Variants in COL4A1 observed in about 807,000 individuals in gnomAD.
The protein encoded by COL4A1 is collagen type IV alpha 1 chain.
In COL4A1, 40 loss-of-function variants were observed where a neutral mutation model predicts 216.6. That is an observed-to-expected ratio of 0.18 (90% CI 0.14 to 0.24). The LOEUF (loss-of-function observed/expected upper bound fraction) is 0.24. Ranked by LOEUF, COL4A1 falls within the 10% of genes least tolerant of loss-of-function variation. The pLI is 1.00. For synonymous variants in COL4A1, 839 were observed against 810.7 expected (o/e 1.03, Z -0.59); for missense variants, 1,628 against 2,196.8 (o/e 0.74, Z 5.18).
rs77370634 is a variant in COL4A1, at chr13:110,209,738, C to T, written c.615+242G>A. 57,562 of 752,678 alleles carry T rather than the reference C, an allele frequency of 0.076. 2,280 individuals are homozygous for T. The highest frequency in any genetic ancestry group is 0.11 in the African/African-American group (6,430 of 58,550). The allele number at this position is 752,678 out of a possible 1,614,324, so 46.6% of individuals were successfully genotyped here. ...ACCCCGCCAGCCCCTTCAACCATGA[C>T]TGCATTATTTGTTTCAGGGTATCAG... On this transcript the variant is annotated intron_variant, in intron 10 of 51. Transcript: ENST00000375820.
At chr13:110,182,960 G>A in intron 28 of COL4A1, 33 bp downstream of exon 28, 3 of 1,586,890 alleles carry the variant, frequency 1.9e-6, no homozygotes, top group Non-Finnish European at 2.6e-6. Context: ...GTCACAGGTG[G>A]ACCAAAGGCT....
intron 1 of COL4A1, among the ~76,000 whole-genome samples, chr13:110,259,422 T>G (rs1206375240): frequency 2.6e-5 from 4 of 152,194 alleles, no homozygotes; most frequent in Non-Finnish European, 5.9e-5. Flanking sequence ...TTTTTAAGCG[T>G]GTCTACAAAA....
intron 1 of COL4A1, among the ~76,000 whole-genome samples, chr13:110,276,194 G>A (rs1409615786): frequency 6.6e-6 from 1 of 152,122 alleles, no homozygotes; most frequent in Non-Finnish European, 1.5e-5. Context: ...GGTACCTTCT[G>A]TACAATTTTG....
chr13:110,223,732 T>C (rs574204612), intron 2 of COL4A1, among the ~76,000 whole-genome samples: 53 of 152,268 alleles, frequency 3.5e-4, no homozygotes, highest in Non-Finnish European at 7.1e-4. Context: ...ATGACAAAGC[T>C]GGAAAAAGCC....
At chr13:110,264,782 C>T (rs567977159) in intron 1 of COL4A1, among the ~76,000 whole-genome samples, 38 of 152,318 alleles carry the variant, frequency 2.5e-4, no homozygotes, top group African/African-American at 8.9e-4. Context: ...TTCCATCTCT[C>T]CTTCCTTGCC....
rs61749897 is a variant in COL4A1, at chr13:110,186,467, A to G, written c.1815T>C (p.Pro605=). 0.075 allele frequency: 120,800 copies of G among 1,613,636 alleles called. 4,994 individuals are homozygous for G. The highest frequency in any genetic ancestry group is 0.16 in the East Asian group (7,090 of 44,868). The stretch of plus-strand genomic sequence containing the variant: ...TGGGACCAGCAGGACCATATCCTGG[A>G]GGCCCAGGGGGGCCGGTGTCACCAC... ...GSRGDTGPPG[P]PGYGPAGPIG... Residue 605 remains proline, a synonymous_variant, in exon 26 of 52, where the codon CCT becomes CCC. Coordinates refer to ENST00000375820, the MANE Select transcript of COL4A1 (RefSeq NM_001845.6).
rs1352842233 is a variant in COL4A1, at chr13:110,192,765, C to G, written c.1465+65G>C. 5 of 1,416,752 alleles carry G rather than the reference C, an allele frequency of 3.5e-6. No homozygotes were observed. In the East Asian group the frequency reaches 9.1e-5, roughly 26 times the overall value. The allele number at this position is 1,416,752 out of a possible 1,614,324, so 87.8% of individuals were successfully genotyped here. Reference sequence around the variant, plus strand: ...GCCTTCTATGGAGTGAAATCCCTTTCACAGGAAAGATGCCAACACACCAAA... The same window carrying G: ...GCCTTCTATGGAGTGAAATCCCTTTGACAGGAAAGATGCCAACACACCAAA... On this transcript the variant is annotated intron_variant, in intron 23 of 51. Transcript: ENST00000375820.
chr13:110,286,094 GA>G (rs1360844899), intron 1 of COL4A1, among the ~76,000 whole-genome samples: 4 of 152,164 alleles, frequency 2.6e-5, no homozygotes, highest in Non-Finnish European at 5.9e-5. Flanking sequence ...TGGAAGGAGG[GA>G]AAGGACTGGA....
intron 1 of COL4A1, among the ~76,000 whole-genome samples, chr13:110,301,057 A>G (rs1199166985): frequency 6.6e-6 from 1 of 152,258 alleles, no homozygotes; most frequent in African/African-American, 2.4e-5. Flanking sequence ...CTATTTACAT[A>G]AAGTGTTCAG....
chr13:110,194,006 G>A (rs1878762863), intron 22 of COL4A1, among the ~76,000 whole-genome samples: 1 of 152,186 alleles, frequency 6.6e-6, no homozygotes, highest in Non-Finnish European at 1.5e-5. Context: ...CCTAGGATCT[G>A]GGGGATGGAT....
chr13:110,183,999 A>C (rs1277725122), intron 26 of COL4A1, among the ~76,000 whole-genome samples: 1 of 152,230 alleles, frequency 6.6e-6, no homozygotes, highest in Non-Finnish European at 1.5e-5. Context: ...TAGAACAGCC[A>C]GCACATTCTT....
intron 21 of COL4A1, among the ~76,000 whole-genome samples, chr13:110,195,691 C>T (rs1878855134): frequency 6.6e-6 from 1 of 152,142 alleles, no homozygotes; most frequent in African/African-American, 2.4e-5. Flanking sequence ...CACCATCTGT[C>T]CTAGGTTCTA....
intron 2 of COL4A1, among the ~76,000 whole-genome samples, chr13:110,232,461 T>C (rs1325384687): frequency 6.6e-6 from 1 of 152,220 alleles, no homozygotes; most frequent in African/African-American, 2.4e-5. Flanking sequence ...GCTCAAAATA[T>C]TCTACCAACA....
At chr13:110,199,697 C>T (rs1879085565) in intron 20 of COL4A1, among the ~76,000 whole-genome samples, 2 of 151,964 alleles carry the variant, frequency 1.3e-5, no homozygotes, top group Admixed American at 1.3e-4. Flanking sequence ...CAGAGAGCAG[C>T]GCAGCGACTT....
Position 110,192,790 on chromosome 13 carries a change from A to G in COL4A1, c.1465+40T>C, listed in dbSNP as rs74419431. 4.4e-6 allele frequency: 7 copies of G among 1,579,938 alleles called. No individual in the cohort carries two copies. The African/African-American group carries it at 5.4e-5, about 12-fold the overall frequency. ...CACAGGAAAGATGCCAACACACCAA[A>G]GCAAACTCTGACCTGGTCCTTTTCA... On this transcript the variant is annotated intron_variant, in intron 23 of 51. Coordinates refer to ENST00000375820, the MANE Select transcript of COL4A1 (RefSeq NM_001845.6).
intron 1 of COL4A1, among the ~76,000 whole-genome samples, chr13:110,247,203 T>C (rs1205569502): frequency 6.6e-6 from 1 of 152,152 alleles, no homozygotes; most frequent in African/African-American, 2.4e-5. Flanking sequence ...TATAATAAGT[T>C]GTCTCCAAAT....
intron 46 of COL4A1, 139 bp downstream of exon 46, chr13:110,164,723 G>T: frequency 7.8e-7 from 1 of 1,290,182 alleles, no homozygotes; most frequent in East Asian, 2.6e-5. Context: ...TGCATTGAAG[G>T]GAGGTAAGAA....
chr13:110,246,394 G>A (rs1423248271), intron 1 of COL4A1, among the ~76,000 whole-genome samples: 1 of 139,098 alleles, frequency 7.2e-6, no homozygotes, highest in Non-Finnish European at 1.5e-5. Flanking sequence ...TCACTCAGGT[G>A]TAATGTATAA....
chr13:110,164,969 G>T lies in COL4A1; in HGVS notation c.4043C>A (p.Pro1348His), dbSNP rs374996844. 6 of 1,605,332 alleles carry T rather than the reference G, an allele frequency of 3.7e-6. No homozygotes were observed. The Admixed American group carries it at 5.2e-5, about 14-fold the overall frequency. The change falls in exon 46 of 52, where the codon CCC becomes CAC. Residue 1348 changes from proline (P) to histidine (H), a missense_variant. By Grantham distance (77) the Pro-to-His change is moderately conservative (BLOSUM62 -2). Around this residue, in one of 8 missense-constraint regions of COL4A1, gnomAD observed 345 missense variants for 476.9 expected, o/e 0.72. Coordinates refer to ENST00000375820, the MANE Select transcript of COL4A1 (RefSeq NM_001845.6). ...TTTGATGATGTCGTAAGGACCTGGG[G>T]GGCCAGGAGGACCCGGGAGACCTGT... Reference protein sequence around the residue: ...GAKGLPGPPGPPGPYDIIKGE... With the variant: ...GAKGLPGPPGHPGPYDIIKGE...
Sources: gnomAD v4.1 joint callset for allele counts (sites outside exome capture counted in the v4.1 genomes callset) on GRCh38, gnomAD v4.1.1 for gene constraint, gnomAD v4.1.1 regional missense constraint, MANE v1.5 for transcripts, NCBI Gene and HGNC (gene_info 2026-07-23, HGNC 2026-07-21) for gene names.